The following RXFP1 variants were observed in gnomAD, a reference collection of about 807,000 sequenced individuals.
RXFP1 encodes the protein relaxin family peptide receptor 1.
In RXFP1, 73 loss-of-function variants were observed where a neutral mutation model predicts 89.8. The ratio of observed to expected loss-of-function variants is 0.81; its 90% CI spans 0.67 to 0.99. The LOEUF is 0.99. RXFP1 is among the 50% of genes least tolerant of loss of function. RXFP1 has a pLI of 0.00. For missense variants in RXFP1, 793 were observed against 895.5 expected (o/e 0.89, Z 1.46); for synonymous variants, 277 against 305.5 (o/e 0.91, Z 0.97).
At chr4:158,611,522 G>A (rs1263059295) in intron 6 of RXFP1, among the ~76,000 whole-genome samples, 1 of 152,136 alleles carries the variant, frequency 6.6e-6, no homozygotes, top group East Asian at 1.9e-4. Context: ...GAATTACCTG[G>A]TGATTTCTTA....
intron 1 of RXFP1, among the ~76,000 whole-genome samples, chr4:158,551,100 G>A (rs1163278929): frequency 6.6e-6 from 1 of 151,452 alleles, no homozygotes; most frequent in Non-Finnish European, 1.5e-5. Context: ...ATGAAAATGT[G>A]GTATATATAC....
chr4:158,579,188 C>A lies in RXFP1; in HGVS notation c.187+6353C>A, dbSNP rs374583734. 7.9e-5 allele frequency among the ~76,000 whole-genome samples: 12 copies of A among 151,974 alleles called. 1 individual carries two copies. Among genetic ancestry groups the A allele is most frequent in the Admixed American group, 5.2e-4 (8 of 15,252 alleles). ...GCAAGGAAAGATTCTCCCCCTAAAC[C>A]TTCTGAGACGCTGTGGCCCCACTGA... is the stretch of plus-strand genomic sequence containing the variant. On this transcript the variant is annotated intron_variant, in intron 2 of 17. Transcript: ENST00000307765.
chr4:158,613,064 G>A (rs1763875535), intron 8 of RXFP1, among the ~76,000 whole-genome samples: 1 of 152,158 alleles, frequency 6.6e-6, no homozygotes, highest in Non-Finnish European at 1.5e-5. Flanking sequence ...ATAAAGTTAT[G>A]TTTACACTAT....
intron 12 of RXFP1, among the ~76,000 whole-genome samples, chr4:158,634,891 T>C (rs889270687): frequency 6.6e-6 from 1 of 152,198 alleles, no homozygotes; most frequent in Admixed American, 6.5e-5. Context: ...TTAGTCTACA[T>C]GTCTGTATTT....
intron 9 of RXFP1, among the ~76,000 whole-genome samples, chr4:158,621,288 G>A (rs191815502): frequency 6.6e-6 from 1 of 152,286 alleles, no homozygotes; most frequent in African/African-American, 2.4e-5. Context: ...CTCCAGCCTG[G>A]GCAACAGAGG....
At chr4:158,528,428 C>A (rs1191938238) in intron 1 of RXFP1, among the ~76,000 whole-genome samples, 2 of 152,192 alleles carry the variant, frequency 1.3e-5, no homozygotes, top group Non-Finnish European at 1.5e-5. Flanking sequence ...ATCGCTTGAG[C>A]CTGGGAGGCA....
rs369527490 is a variant in RXFP1, at chr4:158,607,986, A to G, written c.479A>G (p.Asn160Ser). ...CATTTTCACAGGTACCTGCAAAACA[A>G]TAAGATTACATCCATCTCCATCTAT... ...HDLQKLYLQN[N>S]KITSISIYAF... The change falls in exon 6 of 18, where the codon AAT (asparagine) becomes AGT (serine). Residue 160 changes from asparagine to serine, a missense_variant. Coordinates refer to ENST00000307765, the MANE Select transcript of RXFP1 (RefSeq NM_021634.4). The G allele has an allele frequency of 3.7e-6, 6 of 1,605,680 alleles. No homozygotes were observed. The Admixed American group carries it at 5.1e-5, about 14-fold the overall frequency.
At chr4:158,528,415 A>C (rs1417040565) in intron 1 of RXFP1, among the ~76,000 whole-genome samples, 1 of 152,132 alleles carries the variant, frequency 6.6e-6, no homozygotes, top group Non-Finnish European at 1.5e-5. Context: ...CTGAGGTGGG[A>C]GGATCGCTTG....
intron 1 of RXFP1, among the ~76,000 whole-genome samples, chr4:158,529,141 C>A (rs191618506): frequency 1.3e-5 from 2 of 152,312 alleles, no homozygotes; most frequent in East Asian, 3.9e-4. Context: ...TTATGTTAAA[C>A]GACCCCAAGA....
chr4:158,541,142 C>T (rs1270158829), intron 1 of RXFP1, among the ~76,000 whole-genome samples: 1 of 152,064 alleles, frequency 6.6e-6, no homozygotes, highest in African/African-American at 2.4e-5. Context: ...GTTAGATCCC[C>T]GCTATGCATC....
chr4:158,638,181 C>T, intron 13 of RXFP1, 102 bp downstream of exon 13: 1 of 674,028 alleles, frequency 1.5e-6, no homozygotes, highest in Non-Finnish European at 2.5e-6. Flanking sequence ...GCTTTATTTC[C>T]AAGACATTAG....
At chr4:158,648,751 T>C in intron 17 of RXFP1, 34 bp downstream of exon 17, 1 of 1,273,780 alleles carries the variant, frequency 7.9e-7, no homozygotes, top group African/African-American at 1.5e-5. Context: ...AAAGAAATAA[T>C]AAATCTGTTT....
chr4:158,616,930 C>G (rs904849624), intron 8 of RXFP1, among the ~76,000 whole-genome samples: 2 of 148,694 alleles, frequency 1.3e-5, no homozygotes, highest in African/African-American at 5.0e-5. Flanking sequence ...ACCTGGGAGG[C>G]AGAGGTTTCC....
Position 158,572,853 on chromosome 4 carries a change from A to G in RXFP1, c.187+18A>G. Reference sequence around the variant, plus strand: ...CAACTGTGGTGAGTGAAGCCCCTGCAGTCACGGTGAGAGAAAGGAGCAGAA... The same window carrying G: ...CAACTGTGGTGAGTGAAGCCCCTGCGGTCACGGTGAGAGAAAGGAGCAGAA... On this transcript the variant is annotated intron_variant, in intron 2 of 17. Transcript: ENST00000307765. 1.2e-6 allele frequency: 2 copies of G among 1,613,592 alleles called. No individual in the cohort carries two copies. Among genetic ancestry groups the G allele is most frequent in the Non-Finnish European group, 1.7e-6 (2 of 1,179,646 alleles).
At chr4:158,586,522 T>G (rs753469879) in intron 2 of RXFP1, among the ~76,000 whole-genome samples, 4 of 152,142 alleles carry the variant, frequency 2.6e-5, no homozygotes, top group Non-Finnish European at 4.4e-5. Flanking sequence ...TTCATCAGGA[T>G]CATTACTGAA....
intron 1 of RXFP1, among the ~76,000 whole-genome samples, chr4:158,563,279 G>T (rs1752861095): frequency 6.6e-6 from 1 of 152,174 alleles, no homozygotes; most frequent in South Asian, 2.1e-4. Flanking sequence ...ACCTTAAAAT[G>T]ATCTTTGTAC....
At chr4:158,585,655 C>T (rs965059029) in intron 2 of RXFP1, among the ~76,000 whole-genome samples, 10 of 151,876 alleles carry the variant, frequency 6.6e-5, no homozygotes, top group African/African-American at 2.4e-4. Context: ...TACCTTATGA[C>T]ATTTTGAGCT....
chr4:158,545,412 T>C (rs1277999877), intron 1 of RXFP1, among the ~76,000 whole-genome samples: 1 of 152,230 alleles, frequency 6.6e-6, no homozygotes, highest in Admixed American at 6.5e-5. Context: ...CTGTTCACTC[T>C]GATGGTAGTT....
At chr4:158,537,099 T>G (rs12499002) in intron 1 of RXFP1, among the ~76,000 whole-genome samples, 1 of 151,542 alleles carries the variant, frequency 6.6e-6, no homozygotes, top group African/African-American at 2.4e-5. Context: ...ACTAGAAAAA[T>G]AGGTTTGTTC....
Sources: allele counts gnomAD v4.1 joint callset (sites outside exome capture counted in the v4.1 genomes callset), GRCh38; gene constraint gnomAD v4.1.1; transcripts MANE v1.5; gene names NCBI Gene and HGNC (gene_info 2026-07-23, HGNC 2026-07-21).